MME: variants seen among roughly 807,000 people sequenced by gnomAD.
The protein encoded by MME is neprilysin.
A neutral mutation model predicts 113.2 loss-of-function variants in MME; 98 were observed. The observed-to-expected ratio is 0.87, with a 90% CI of 0.74 to 1.02. MME has a LOEUF of 1.02. Among genes scored for constraint, MME ranks in the 50% least tolerant of loss-of-function variants. The pLI is 0.00. For synonymous variants in MME, 292 were observed against 300.6 expected (o/e 0.97, Z 0.30); for missense variants, 836 against 896.0 (o/e 0.93, Z 0.86).
chr3:155,078,927 T>C (rs1714881659), upstream of MME, among the ~76,000 whole-genome samples: 1 of 152,164 alleles, frequency 6.6e-6, no homozygotes, highest in South Asian at 2.1e-4. Flanking sequence ...CTTGCTTGCA[T>C]TAAACTGTGA....
intron 3 of MME, among the ~76,000 whole-genome samples, chr3:155,098,258 A>G (rs1246322960): frequency 6.6e-6 from 1 of 152,046 alleles, no homozygotes; most frequent in Non-Finnish European, 1.5e-5. Flanking sequence ...AAAGTAAAGT[A>G]AAAAATAGAG....
At chr3:155,040,684 G>A (rs1319578855) in intron 1 of MME, among the ~76,000 whole-genome samples, 2 of 151,890 alleles carry the variant, frequency 1.3e-5, no homozygotes, top group African/African-American at 4.8e-5. Context: ...TCCAGGATTT[G>A]TTTATACTAT....
chr3:155,054,847 C>A (rs751896968), intron 1 of MME, among the ~76,000 whole-genome samples: 1 of 152,118 alleles, frequency 6.6e-6, no homozygotes, highest in African/African-American at 2.4e-5. Flanking sequence ...CAAAACAAAA[C>A]AAAAGGCTAA....
intron 16 of MME, among the ~76,000 whole-genome samples, chr3:155,150,093 A>G (rs922540202): frequency 1.3e-5 from 2 of 152,224 alleles, no homozygotes; most frequent in African/African-American, 4.8e-5. Flanking sequence ...TTCTTTAAAA[A>G]TAGACATACT....
intron 1 of MME, among the ~76,000 whole-genome samples, chr3:155,025,372 T>A (rs549859457): frequency 6.6e-6 from 1 of 152,080 alleles, no homozygotes; most frequent in Admixed American, 6.6e-5. Flanking sequence ...AGACAAAGTA[T>A]GGATCACTTT....
chr3:155,030,545 C>G (rs1428560433), intron 1 of MME, among the ~76,000 whole-genome samples: 1 of 152,062 alleles, frequency 6.6e-6, no homozygotes, highest in African/African-American at 2.4e-5. Flanking sequence ...TGCCTGAAGT[C>G]CTATCTTTTA....
intron 17 of MME, 56 bp downstream of exon 17, chr3:155,160,504 G>A (rs1177946718): frequency 4.2e-5 from 50 of 1,187,550 alleles, no homozygotes; most frequent in Non-Finnish European, 2.4e-5. Context: ...CCAACCTGTA[G>A]TGCATTGTAT....
intron 1 of MME, among the ~76,000 whole-genome samples, chr3:155,063,105 A>G (rs1425507338): frequency 3.5e-5 from 5 of 142,378 alleles, no homozygotes; most frequent in African/African-American, 1.3e-4. Context: ...TATTAATTAT[A>G]TAAATATATG....
chr3:155,092,552 C>G (rs996961529), intron 3 of MME, among the ~76,000 whole-genome samples: 16 of 152,154 alleles, frequency 1.1e-4, no homozygotes, highest in Non-Finnish European at 2.2e-4. Flanking sequence ...TTCATTACAG[C>G]ATAATGCTGT....
intron 8 of MME, among the ~76,000 whole-genome samples, chr3:155,129,163 G>T (rs1719938532): frequency 3.3e-5 from 5 of 152,256 alleles, no homozygotes; most frequent in Non-Finnish European, 5.9e-5. Flanking sequence ...GAGAGGTCTG[G>T]CTTCCTTGCC....
chr3:155,178,038 C>T (rs1301156835), intron 22 of MME, among the ~76,000 whole-genome samples: 4 of 152,126 alleles, frequency 2.6e-5, no homozygotes, highest in African/African-American at 7.2e-5. Flanking sequence ...GAGGGCCTCT[C>T]GGGGCCTTGC....
At chr3:155,070,309 T>C (rs1024924286) in intron 1 of MME, among the ~76,000 whole-genome samples, 4 of 152,210 alleles carry the variant, frequency 2.6e-5, no homozygotes, top group Admixed American at 2.6e-4. Flanking sequence ...AAGCATCTTG[T>C]GACAAGGAGC....
At chr3:155,123,812 T>C (rs200676747) in intron 8 of MME, among the ~76,000 whole-genome samples, 842 of 59,008 alleles carry the variant, frequency 0.014, 8 homozygotes, top group East Asian at 0.048. Flanking sequence ...GGGCTTCCCT[T>C]TGAGGGTAAC....
At chr3:155,071,502 G>A (rs1714553868) in intron 1 of MME, among the ~76,000 whole-genome samples, 1 of 152,114 alleles carries the variant, frequency 6.6e-6, no homozygotes. Flanking sequence ...AAATTTGGAG[G>A]TATAATATTT....
At chr3:155,038,733 C>G (rs953631350) in intron 1 of MME, among the ~76,000 whole-genome samples, 18 of 152,140 alleles carry the variant, frequency 1.2e-4, no homozygotes, top group African/African-American at 4.3e-4. Context: ...GTATAGAAGA[C>G]TCATGCTTAC....
At chr3:155,148,518 A>G in intron 15 of MME, 32 bp from the exon 16 acceptor site, 2 of 1,449,616 alleles carry the variant, frequency 1.4e-6, no homozygotes, top group Non-Finnish European at 1.9e-6. Flanking sequence ...ACCGGTTTTA[A>G]TATTTCTTCC....
At chr3:155,173,864 A>G (rs777947295) in intron 22 of MME, among the ~76,000 whole-genome samples, 3 of 152,106 alleles carry the variant, frequency 2.0e-5, no homozygotes, top group Non-Finnish European at 2.9e-5. Flanking sequence ...TTGAGTTCCA[A>G]CCATGGCTTC....
chr3:155,089,968 A>G (rs535757634), intron 3 of MME: 2 of 334,328 alleles, frequency 6.0e-6, no homozygotes, highest in South Asian at 2.3e-5. Context: ...TCCAAAAAAA[A>G]GAAAAAGACA....
At chr3:155,121,662 C>A (rs1311005829) in intron 8 of MME, among the ~76,000 whole-genome samples, 1 of 94,944 alleles carries the variant, frequency 1.1e-5, no homozygotes, top group East Asian at 3.4e-4. Flanking sequence ...TTTTCTGCAT[C>A]TATTGAGATA....
Sources: allele counts gnomAD v4.1 joint callset (sites outside exome capture counted in the v4.1 genomes callset), GRCh38; gene constraint gnomAD v4.1.1; transcripts MANE v1.5; gene names NCBI Gene and HGNC (gene_info 2026-07-23, HGNC 2026-07-21).